The following DTNA variants were observed in gnomAD, a reference collection of about 807,000 sequenced individuals.
DTNA encodes dystrobrevin alpha, also known as dystrophin-related protein 3.
A neutral mutation model predicts 100.7 loss-of-function variants in DTNA; 43 were observed. The ratio of observed to expected loss-of-function variants is 0.43; its 90% confidence interval spans 0.33 to 0.55. DTNA has a LOEUF of 0.55. Among genes scored for constraint, DTNA ranks in the 20% least tolerant of loss-of-function variants. The pLI, the probability that DTNA is intolerant of heterozygous loss-of-function variation, is 0.04. For missense variants in DTNA, 798 were observed against 953.9 expected (o/e 0.84, Z 2.15); for synonymous variants, 349 against 347.9 (o/e 1.00, Z -0.04).
At chr18:34,827,462 G>A in intron 9 of DTNA, 131 bp from the exon 10 acceptor site, 1 of 820,350 alleles carries the variant, frequency 1.2e-6, no homozygotes, top group Non-Finnish European at 2.1e-6. Flanking sequence ...GAAAATATAA[G>A]ATTTCTTGTT....
At chr18:34,718,145 A>T (rs544013159) in intron 1 of DTNA, among the ~76,000 whole-genome samples, 3 of 152,310 alleles carry the variant, frequency 2.0e-5, no homozygotes, top group East Asian at 3.9e-4. Context: ...AACTGAGCGT[A>T]TCTTACAATA....
At chr18:34,868,820 T>C in intron 17 of DTNA, 7 of 930,226 alleles carry the variant, frequency 7.5e-6, no homozygotes, top group Non-Finnish European at 9.0e-6. Context: ...GAATTGAAGT[T>C]ATCCTACCCT....
At chr18:34,827,513 T>G (rs1171986846) in intron 9 of DTNA, 80 bp from the exon 10 acceptor site, 1 of 1,321,322 alleles carries the variant, frequency 7.6e-7, no homozygotes, top group South Asian at 1.2e-5. Context: ...CCATCCCGTT[T>G]CCTGGAGGGA....
intron 1 of DTNA, among the ~76,000 whole-genome samples, chr18:34,666,418 T>G (rs1295922534): frequency 2.6e-5 from 4 of 151,968 alleles, no homozygotes; most frequent in East Asian, 1.9e-4. Context: ...AGAAGCTCTT[T>G]AGTTTAATTA....
At chr18:34,587,612 G>A (rs965390053) in intron 1 of DTNA, among the ~76,000 whole-genome samples, 1 of 152,024 alleles carries the variant, frequency 6.6e-6, no homozygotes, top group East Asian at 1.9e-4. Flanking sequence ...ACAACTCTTT[G>A]AAGTATTATT....
At chr18:34,680,982 A>G (rs1489221042) in intron 1 of DTNA, among the ~76,000 whole-genome samples, 1 of 151,914 alleles carries the variant, frequency 6.6e-6, no homozygotes, top group African/African-American at 2.4e-5. Flanking sequence ...AGCTTCTTCC[A>G]GTGACCTGAA....
chr18:34,658,066 A>G (rs2074643839), intron 1 of DTNA, among the ~76,000 whole-genome samples: 1 of 152,204 alleles, frequency 6.6e-6, no homozygotes, highest in South Asian at 2.1e-4. Flanking sequence ...CCAAAACTCC[A>G]AAGTCTTCTA....
intron 1 of DTNA, among the ~76,000 whole-genome samples, chr18:34,711,694 AATTT>A (rs1400218770): frequency 2.6e-5 from 4 of 152,142 alleles, no homozygotes; most frequent in African/African-American, 9.6e-5. Context: ...GATTTTATTA[AATTT>A]ATTTATGCTC....
At chr18:34,562,412 G>T (rs780162506) in intron 1 of DTNA, among the ~76,000 whole-genome samples, 71 of 152,136 alleles carry the variant, frequency 4.7e-4, no homozygotes, top group Non-Finnish European at 4.4e-4. Flanking sequence ...CTAAGAAAAG[G>T]TTGGTGTAAT....
At chr18:34,562,612 A>T (rs894376498) in intron 1 of DTNA, among the ~76,000 whole-genome samples, 1 of 152,206 alleles carries the variant, frequency 6.6e-6, no homozygotes, top group African/African-American at 2.4e-5. Context: ...CCCTGCAAGT[A>T]ATAGGGACTC....
chr18:34,797,282 T>A (rs1482491889), intron 4 of DTNA, among the ~76,000 whole-genome samples: 1 of 151,988 alleles, frequency 6.6e-6, no homozygotes, highest in Non-Finnish European at 1.5e-5. Flanking sequence ...CGGCCAGAGG[T>A]TATCTTTTTT....
intron 1 of DTNA, among the ~76,000 whole-genome samples, chr18:34,667,118 C>T (rs1167112903): frequency 6.6e-6 from 1 of 152,148 alleles, no homozygotes; most frequent in Non-Finnish European, 1.5e-5. Flanking sequence ...ATTTGTAGTT[C>T]TCCTTGAAGA....
chr18:34,801,700 G>A (rs1020619939), intron 4 of DTNA, among the ~76,000 whole-genome samples: 1 of 151,686 alleles, frequency 6.6e-6, no homozygotes, highest in Non-Finnish European at 1.5e-5. Context: ...TAGTAGAGAC[G>A]GGTTTTCACC....
chr18:34,656,993 C>T (rs1033014312), intron 1 of DTNA, among the ~76,000 whole-genome samples: 1 of 152,130 alleles, frequency 6.6e-6, no homozygotes, highest in African/African-American at 2.4e-5. Flanking sequence ...TCTCATGCCT[C>T]AGCCTTCCGA....
At chr18:34,602,009 T>C (rs2051963275) in intron 1 of DTNA, among the ~76,000 whole-genome samples, 1 of 152,214 alleles carries the variant, frequency 6.6e-6, no homozygotes, top group East Asian at 1.9e-4. Context: ...GCCCCCACTT[T>C]AATCAGTAGA....
intron 1 of DTNA, among the ~76,000 whole-genome samples, chr18:34,670,061 T>C (rs570841051): frequency 1.6e-4 from 25 of 152,336 alleles, no homozygotes; most frequent in Middle Eastern, 6.8e-3. Flanking sequence ...CTTTCAGGTA[T>C]ACCAACCAGA....
At chr18:34,809,750 TA>T (rs2095444595) in intron 5 of DTNA, among the ~76,000 whole-genome samples, 1 of 152,168 alleles carries the variant, frequency 6.6e-6, no homozygotes. Context: ...TCGGAAATTT[TA>T]AAAAACAAAG....
chr18:34,675,771 T>TATACATTC (rs1210483832), intron 1 of DTNA, among the ~76,000 whole-genome samples: 11 of 152,190 alleles, frequency 7.2e-5, no homozygotes, highest in African/African-American at 2.7e-4. Flanking sequence ...CAACCAAAAA[T>TATACATTC]ATACATTCAT....
intron 11 of DTNA, among the ~76,000 whole-genome samples, chr18:34,833,038 AAT>A (rs2096055178): frequency 6.6e-6 from 1 of 152,188 alleles, no homozygotes; most frequent in Non-Finnish European, 1.5e-5. Flanking sequence ...CTATATTTCA[AAT>A]ATTGTTTTTC....
Sources: allele counts gnomAD v4.1 joint callset (sites outside exome capture counted in the v4.1 genomes callset), GRCh38; gene constraint gnomAD v4.1.1; transcripts MANE v1.5; gene names NCBI Gene and HGNC (gene_info 2026-07-23, HGNC 2026-07-21).